The following PDE7B variants were observed in gnomAD, a reference collection of about 807,000 sequenced individuals.
PDE7B encodes phosphodiesterase 7B.
A neutral mutation model predicts 56.2 loss-of-function variants in PDE7B; 29 were observed. The ratio of observed to expected loss-of-function variants is 0.52; its 90% CI spans 0.38 to 0.70. The LOEUF is 0.70. PDE7B is among the 30% of genes least tolerant of loss of function. The probability of loss-of-function intolerance (pLI) is 0.00; values close to 1 mark genes in which losing one functional copy is unlikely to be tolerated. For missense variants in PDE7B, 490 were observed against 565.0 expected (o/e 0.87, Z 1.35); for synonymous variants, 197 against 196.9 (o/e 1.00, Z 0.00).
chr6:136,007,687 G>A (rs1049581453), intron 2 of PDE7B, among the ~76,000 whole-genome samples: 7 of 151,594 alleles, frequency 4.6e-5, no homozygotes, highest in African/African-American at 1.7e-4. Flanking sequence ...TTTCTTCCTG[G>A]TTCAGTCTTG....
At chr6:136,129,620 A>G (rs909432776) in intron 3 of PDE7B, among the ~76,000 whole-genome samples, 5 of 152,304 alleles carry the variant, frequency 3.3e-5, no homozygotes, top group Middle Eastern at 3.4e-3. Context: ...TCTTTGCATC[A>G]TCAGCACCCA....
At chr6:136,050,906 T>C (rs1000670694) in intron 2 of PDE7B, among the ~76,000 whole-genome samples, 6 of 152,134 alleles carry the variant, frequency 3.9e-5, no homozygotes, top group Non-Finnish European at 8.8e-5. Context: ...CTCCTCCTCC[T>C]CCTCCTCTTC....
chr6:135,886,062 C>T (rs1000977677), intron 1 of PDE7B, among the ~76,000 whole-genome samples: 8 of 152,268 alleles, frequency 5.3e-5, no homozygotes, highest in East Asian at 3.9e-4. Flanking sequence ...TATCAACCCC[C>T]GTCACATTTT....
intron 2 of PDE7B, among the ~76,000 whole-genome samples, chr6:136,088,073 A>G (rs1777321680): frequency 6.6e-6 from 1 of 152,204 alleles, no homozygotes; most frequent in Non-Finnish European, 1.5e-5. Context: ...CCAGTGCTAC[A>G]AGACTAAAGT....
rs546168954 is a variant in PDE7B, at chr6:136,172,557, T to G, written c.712-1240T>G. Among the ~76,000 whole-genome samples, 787 of 152,132 alleles carry G rather than the reference T, an allele frequency of 5.2e-3. 5 individuals are homozygous for G. The highest frequency in any genetic ancestry group is 0.016 in the African/African-American group (679 of 41,494). On this transcript the variant is annotated intron_variant, in intron 8 of 12. Transcript: ENST00000308191. ...TAGCCCTTTGTCAGATGAGTAGGTT[T>G]TGAAAATTTTCTCCCATTTTGTAGG...
chr6:136,102,609 A>T (rs1359700169), intron 2 of PDE7B, among the ~76,000 whole-genome samples: 1 of 152,138 alleles, frequency 6.6e-6, no homozygotes, highest in Non-Finnish European at 1.5e-5. Context: ...GTGTTCTTTT[A>T]AGGTCTTTTA....
intron 2 of PDE7B, among the ~76,000 whole-genome samples, chr6:135,974,662 G>A (rs1022915616): frequency 2.6e-5 from 4 of 152,228 alleles, no homozygotes; most frequent in African/African-American, 9.6e-5. Flanking sequence ...TATCTAGGCA[G>A]TTACACCCCA....
At chr6:136,033,985 T>C (rs1041570914) in intron 2 of PDE7B, 1 of 152,058 alleles carries the variant, frequency 6.6e-6, no homozygotes, top group African/African-American at 2.4e-5. Context: ...TGCATTTTTT[T>C]CCAAAAGATA....
intron 2 of PDE7B, among the ~76,000 whole-genome samples, chr6:135,979,412 C>T (rs1345187341): frequency 4.0e-5 from 6 of 151,616 alleles, no homozygotes; most frequent in South Asian, 4.2e-4. Flanking sequence ...AGGGAGGATT[C>T]CCTCTTTTTC....
intron 2 of PDE7B, among the ~76,000 whole-genome samples, chr6:136,014,307 A>G (rs565690503): frequency 3.9e-5 from 6 of 152,318 alleles, no homozygotes; most frequent in African/African-American, 1.4e-4. Context: ...TTTGTGATAT[A>G]ATTTTCTAAG....
chr6:136,188,854 T>A (rs1234629887), intron 12 of PDE7B, among the ~76,000 whole-genome samples: 4 of 152,188 alleles, frequency 2.6e-5, no homozygotes, highest in Admixed American at 1.3e-4. Context: ...AAAGGGAAGG[T>A]GATTATAAAA....
intron 2 of PDE7B, among the ~76,000 whole-genome samples, chr6:135,998,562 C>G (rs1464580185): frequency 1.4e-5 from 2 of 147,064 alleles, no homozygotes; most frequent in Non-Finnish European, 3.0e-5. Context: ...CGAGACCATC[C>G]TGGCTAACAC....
chr6:135,946,987 T>C (rs955051932), intron 1 of PDE7B, among the ~76,000 whole-genome samples: 4 of 152,102 alleles, frequency 2.6e-5, no homozygotes, highest in Non-Finnish European at 4.4e-5. Context: ...TTTTTCATTA[T>C]TTATCTACTT....
intron 8 of PDE7B, among the ~76,000 whole-genome samples, chr6:136,166,816 A>T (rs563922484): frequency 3.3e-5 from 5 of 152,178 alleles, no homozygotes; most frequent in African/African-American, 1.2e-4. Context: ...TGTTGTCAAC[A>T]TACACCAAAA....
In PDE7B at chr6:135,969,052, T is replaced by C. The variant is rs542189909; in HGVS notation, c.82+21528T>C. On this transcript the variant is annotated intron_variant, in intron 2 of 12. Coordinates refer to ENST00000308191, the MANE Select transcript of PDE7B (RefSeq NM_018945.4). Reference sequence around the variant, plus strand: ...AATGCAGGAACAGAAAACCAAACACTGAATGTTCTCACTTATAAATGGCAG... The same window carrying C: ...AATGCAGGAACAGAAAACCAAACACCGAATGTTCTCACTTATAAATGGCAG... Among the ~76,000 whole-genome samples the C allele has an allele frequency of 2.6e-5, 4 of 152,206 alleles. No individual in the cohort carries two copies. The East Asian group carries it at 7.7e-4, about 29-fold the overall frequency.
chr6:136,014,754 T>C (rs1775947888), intron 2 of PDE7B, among the ~76,000 whole-genome samples: 3 of 152,218 alleles, frequency 2.0e-5, no homozygotes, highest in South Asian at 2.1e-4. Flanking sequence ...AAATGAAATA[T>C]TGGTGATTTG....
At chr6:135,941,327 A>T (rs955473470) in intron 1 of PDE7B, among the ~76,000 whole-genome samples, 2 of 152,230 alleles carry the variant, frequency 1.3e-5, no homozygotes, top group East Asian at 3.8e-4. Flanking sequence ...TTGTTTTAAC[A>T]TGCTATCTAG....
intron 1 of PDE7B, among the ~76,000 whole-genome samples, chr6:135,910,781 C>A (rs935803795): frequency 6.6e-6 from 1 of 152,160 alleles, no homozygotes; most frequent in Admixed American, 6.5e-5. Flanking sequence ...TTCACCACCC[C>A]CTGCCCCCGC....
chr6:136,037,794 G>A, intron 2 of PDE7B: 1 of 985,414 alleles, frequency 1.0e-6, no homozygotes, highest in Non-Finnish European at 1.2e-6. Flanking sequence ...AAAGAGCTAA[G>A]AGTCAACAAA....
Sources: gnomAD v4.1 joint callset for allele counts (sites outside exome capture counted in the v4.1 genomes callset) on GRCh38, gnomAD v4.1.1 for gene constraint, MANE v1.5 for transcripts, NCBI Gene and HGNC (gene_info 2026-07-23, HGNC 2026-07-21) for gene names.